The following HMGCLL1 variants were observed in gnomAD, a reference collection of about 807,000 sequenced individuals.
HMGCLL1 encodes the protein 3-hydroxy-3-methylglutaryl-CoA lyase like 1.
A neutral mutation model predicts 39.1 loss-of-function variants in HMGCLL1; 36 were observed. That is an observed-to-expected ratio of 0.92 (90% CI 0.71 to 1.22). HMGCLL1 has a LOEUF of 1.22. Among genes scored for constraint, HMGCLL1 ranks in the 50% most tolerant of loss-of-function variants. The pLI is 0.00. For missense variants in HMGCLL1, 451 were observed against 416.5 expected, an observed-to-expected ratio of 1.08 and a Z score of -0.72; for synonymous variants, 149 against 144.0, an observed-to-expected ratio of 1.03 and a Z score of -0.25.
chr6:55,631,887 C>T, the HMGCLL1 span, among the ~76,000 whole-genome samples: 1 of 152,120 alleles, frequency 6.6e-6, no homozygotes, highest in Non-Finnish European at 1.5e-5. Flanking sequence ...TCTCAAAACC[C>T]TGCAGAGCAG....
At chr6:55,619,146 G>T in the HMGCLL1 span, among the ~76,000 whole-genome samples, 3 of 152,064 alleles carry the variant, frequency 2.0e-5, no homozygotes, top group Non-Finnish European at 2.9e-5. Context: ...GGATCAAAAA[G>T]AAGATGAAGT....
chr6:55,467,260 A>G (rs140568225), intron 7 of HMGCLL1, among the ~76,000 whole-genome samples: 286 of 150,664 alleles, frequency 1.9e-3, no homozygotes, highest in Non-Finnish European at 3.6e-3. Context: ...ATTCCTACAC[A>G]TGTACATCAA....
chr6:55,481,821 CCTAT>C (rs778906204), intron 7 of HMGCLL1, among the ~76,000 whole-genome samples: 29 of 152,090 alleles, frequency 1.9e-4, no homozygotes, highest in South Asian at 4.2e-4. Flanking sequence ...TATCTACCTA[CCTAT>C]CTATTTATCT....
chr6:55,529,114 G>T (rs1310406465), intron 3 of HMGCLL1, among the ~76,000 whole-genome samples: 1 of 152,038 alleles, frequency 6.6e-6, no homozygotes, highest in Non-Finnish European at 1.5e-5. Context: ...TCAGGTTAAT[G>T]CCTTTTGTGA....
At chr6:55,491,363 A>G (rs1766301479) in intron 7 of HMGCLL1, among the ~76,000 whole-genome samples, 1 of 152,194 alleles carries the variant, frequency 6.6e-6, no homozygotes, top group Non-Finnish European at 1.5e-5. Context: ...AAAAGAGTCA[A>G]TCTAAAAACT....
At chr6:55,485,026 T>C (rs908031362) in intron 7 of HMGCLL1, among the ~76,000 whole-genome samples, 1 of 152,298 alleles carries the variant, frequency 6.6e-6, no homozygotes, top group Admixed American at 6.5e-5. Context: ...CCACATGTTG[T>C]TTGTTGAACA....
At chr6:55,516,685 T>A in intron 3 of HMGCLL1, 82 bp from the exon 4 acceptor site, 4 of 846,414 alleles carry the variant, frequency 4.7e-6, no homozygotes, top group Non-Finnish European at 7.7e-6. Context: ...TAGGTTATAG[T>A]TACATGGACA....
At chr6:55,455,219 TA>T (rs1764273046) in intron 7 of HMGCLL1, among the ~76,000 whole-genome samples, 1 of 152,236 alleles carries the variant, frequency 6.6e-6, no homozygotes, top group Admixed American at 6.5e-5. Context: ...GCTTGATTTC[TA>T]AATGACTTAC....
chr6:55,539,542 A>G (rs1769225067), intron 3 of HMGCLL1, among the ~76,000 whole-genome samples: 1 of 152,050 alleles, frequency 6.6e-6, no homozygotes, highest in Non-Finnish European at 1.5e-5. Flanking sequence ...TTGCAAGGAT[A>G]CGGATGAAGC....
At chr6:55,635,727 G>C in the HMGCLL1 span, among the ~76,000 whole-genome samples, 1 of 152,150 alleles carries the variant, frequency 6.6e-6, no homozygotes, top group African/African-American at 2.4e-5. Context: ...AATGGGACAA[G>C]AAAGAAAGAG....
intron 7 of HMGCLL1, among the ~76,000 whole-genome samples, chr6:55,441,495 A>C (rs149986543): frequency 6.6e-6 from 1 of 152,118 alleles, no homozygotes; most frequent in African/African-American, 2.4e-5. Flanking sequence ...GCAAGTTTTT[A>C]TTAAAATCCA....
At chr6:55,464,059 T>C (rs761237232) in intron 7 of HMGCLL1, among the ~76,000 whole-genome samples, 1 of 152,204 alleles carries the variant, frequency 6.6e-6, no homozygotes, top group Admixed American at 6.5e-5. Context: ...AGGGGCTCTG[T>C]AGAATTATCT....
chr6:55,599,312 G>T, the HMGCLL1 span, among the ~76,000 whole-genome samples: 1 of 152,126 alleles, frequency 6.6e-6, no homozygotes, highest in Non-Finnish European at 1.5e-5. Context: ...TCATTGAGTA[G>T]TATGCATTTG....
chr6:55,669,737 A>G, the HMGCLL1 span, among the ~76,000 whole-genome samples: 3 of 151,892 alleles, frequency 2.0e-5, no homozygotes, highest in Non-Finnish European at 4.4e-5. Context: ...ATAGATTAAA[A>G]AGCAGAATGA....
chr6:55,543,477 AATATATATATG>A (rs1769744264), intron 1 of HMGCLL1, among the ~76,000 whole-genome samples: 1 of 10,068 alleles, frequency 9.9e-5, no homozygotes, highest in African/African-American at 1.8e-4. Context: ...TATCATATAT[AATATATATATG>A]ATATATATCA....
intron 7 of HMGCLL1, among the ~76,000 whole-genome samples, chr6:55,474,247 A>G (rs995613276): frequency 6.6e-6 from 1 of 151,572 alleles, no homozygotes; most frequent in African/African-American, 2.4e-5. Context: ...TTACACATAC[A>G]TAATGGATCT....
intron 7 of HMGCLL1, among the ~76,000 whole-genome samples, chr6:55,447,014 A>G (rs150635818): frequency 1.3e-5 from 2 of 152,156 alleles, no homozygotes; most frequent in African/African-American, 4.8e-5. Context: ...GAATATTCAT[A>G]TAGAATAAAA....
At chr6:55,615,614 G>C in the HMGCLL1 span, among the ~76,000 whole-genome samples, 1 of 152,046 alleles carries the variant, frequency 6.6e-6, no homozygotes, top group Non-Finnish European at 1.5e-5. Context: ...AAAATATATA[G>C]CATTTGAAAT....
chr6:55,516,153 C>T (rs1383936037), intron 4 of HMGCLL1, among the ~76,000 whole-genome samples: 1 of 151,938 alleles, frequency 6.6e-6, no homozygotes, highest in African/African-American at 2.4e-5. Flanking sequence ...AAATAATTAC[C>T]AAATTCAACA....
Sources: gnomAD v4.1 joint callset for allele counts (sites outside exome capture counted in the v4.1 genomes callset) on GRCh38, gnomAD v4.1.1 for gene constraint, MANE v1.5 for transcripts, NCBI Gene and HGNC (gene_info 2026-07-23, HGNC 2026-07-21) for gene names.